The following HIP1 variants were observed in gnomAD, a reference collection of about 807,000 sequenced individuals.
HIP1 encodes huntingtin interacting protein 1, also known as huntingtin-interacting protein 1.
Under a neutral mutation model 147.6 loss-of-function variants are expected in HIP1, and 65 were observed. The ratio of observed to expected loss-of-function variants is 0.44; its 90% CI spans 0.36 to 0.54. The LOEUF is 0.54. Ranked by LOEUF, HIP1 falls within the 20% of genes least tolerant of loss-of-function variation. HIP1 has a pLI of 0.00. For synonymous variants in HIP1, 479 were observed against 504.0 expected (o/e 0.95, Z 0.67); for missense variants, 1,061 against 1,299.6 (o/e 0.82, Z 2.82).
intron 1 of HIP1, among the ~76,000 whole-genome samples, chr7:75,737,186 A>G (rs1161603180): frequency 6.6e-6 from 1 of 152,116 alleles, no homozygotes; most frequent in Non-Finnish European, 1.5e-5. Context: ...TTGGCCTCCC[A>G]AAGTACGGGG....
At chr7:75,692,906 T>C (rs1356503517) in intron 1 of HIP1, among the ~76,000 whole-genome samples, 4 of 151,980 alleles carry the variant, frequency 2.6e-5, no homozygotes, top group African/African-American at 7.2e-5. Context: ...GTCTTATGCC[T>C]GTAATCCCAG....
chr7:75,697,349 T>C (rs995773761), intron 1 of HIP1, among the ~76,000 whole-genome samples: 4 of 151,960 alleles, frequency 2.6e-5, no homozygotes, highest in Non-Finnish European at 5.9e-5. Flanking sequence ...GAGGATCTCT[T>C]GAGGCCAGGA....
chr7:75,538,542 C>A (rs1794171948), intron 30 of HIP1, among the ~76,000 whole-genome samples: 1 of 144,824 alleles, frequency 6.9e-6, no homozygotes. Flanking sequence ...GACTCCATGC[C>A]ACTCCATTTC....
At chr7:75,723,734 T>A (rs1801566815) in intron 1 of HIP1, among the ~76,000 whole-genome samples, 1 of 152,164 alleles carries the variant, frequency 6.6e-6, no homozygotes, top group South Asian at 2.1e-4. Context: ...TAAGGATCTA[T>A]GTGATTAGAC....
intron 24 of HIP1, among the ~76,000 whole-genome samples, 187 bp downstream of exon 24, chr7:75,547,568 C>G (rs902929909): frequency 1.3e-5 from 2 of 151,976 alleles, no homozygotes; most frequent in Non-Finnish European, 2.9e-5. Flanking sequence ...GCGCGGGTTT[C>G]TTTTCTATAG....
intron 1 of HIP1, among the ~76,000 whole-genome samples, chr7:75,687,267 C>A (rs1800293648): frequency 6.6e-6 from 1 of 152,140 alleles, no homozygotes; most frequent in Non-Finnish European, 1.5e-5. Context: ...GAAGCAGGAG[C>A]CAATCCCTGT....
rs190266354 is a variant in HIP1 at position 75,636,576 on chromosome 7, A to G, written c.121-37329T>C. Among the ~76,000 whole-genome samples, 952 of 152,326 alleles carry G rather than the reference A, an allele frequency of 6.2e-3. 12 individuals carry two copies. The highest frequency in any genetic ancestry group is 0.022 in the African/African-American group (931 of 41,578). On this transcript the variant is annotated intron_variant, in intron 1 of 30. Coordinates refer to ENST00000336926, the MANE Select transcript of HIP1 (RefSeq NM_005338.7). Reference sequence around the variant, plus strand: ...ACAGAAAGTACTTTTGGCCTCTTGCAGGAATGAAAAGCAGACACCAATTCC... The same window carrying G: ...ACAGAAAGTACTTTTGGCCTCTTGCGGGAATGAAAAGCAGACACCAATTCC...
At chr7:75,648,410 A>C (rs1264621773) in intron 1 of HIP1, among the ~76,000 whole-genome samples, 1 of 152,062 alleles carries the variant, frequency 6.6e-6, no homozygotes, top group Non-Finnish European at 1.5e-5. Context: ...TCAAGCCTCA[A>C]AGCCCCTGTA....
At chr7:75,679,531 A>G (rs1799996140) in intron 1 of HIP1, among the ~76,000 whole-genome samples, 3 of 152,156 alleles carry the variant, frequency 2.0e-5, no homozygotes, top group Admixed American at 1.3e-4. Context: ...TGCAAAATCC[A>G]GAGATTTACT....
chr7:75,644,728 T>C (rs559567337), intron 1 of HIP1, among the ~76,000 whole-genome samples: 1 of 152,272 alleles, frequency 6.6e-6, no homozygotes, highest in East Asian at 1.9e-4. Flanking sequence ...TCACTGACCA[T>C]GCCCAGCTGA....
Position 75,559,890 on chromosome 7 carries a change from T to C in HIP1, c.1217A>G (p.Lys406Arg). 6.2e-7 allele frequency: 1 copy of C among 1,608,554 alleles called. No individual in the cohort carries two copies. The highest frequency in any genetic ancestry group is 8.5e-7 in the Non-Finnish European group (1 of 1,178,578). Residue 406 changes from lysine (K) to arginine (R), a missense_variant, in exon 14 of 31, where the codon AAG becomes AGG. Physicochemically the swap from Lys to Arg is conservative, Grantham distance 26. Coordinates refer to ENST00000336926, the MANE Select transcript of HIP1 (RefSeq NM_005338.7). ...TGCTTCCAGCTCGCTGACGTGGCCC[T>C]TCAGCTGCAGCACAACCCGCTGGCT... ...TESQRVVLQL[K>R]GHVSELEADL...
chr7:75,710,541 C>T (rs1476535177), intron 1 of HIP1, among the ~76,000 whole-genome samples: 1 of 152,090 alleles, frequency 6.6e-6, no homozygotes, highest in Non-Finnish European at 1.5e-5. Flanking sequence ...AAGGAGTGTT[C>T]CCTTCTCTTC....
rs1382945980 is a variant in HIP1, at chr7:75,706,493, TA to T, written c.120+32307del. Among the ~76,000 whole-genome samples the T allele has an allele frequency of 2.1e-3, 304 of 145,418 alleles. 7 individuals are homozygous for T. The highest frequency in any genetic ancestry group is 7.1e-3 in the African/African-American group (266 of 37,576). On this transcript the variant is annotated intron_variant, in intron 1 of 30. Transcript: ENST00000336926. ...ATCTTCTTTTTTTTTATTTTTTTTT[TA>T]TTTTTTTATTTTTTATTTATTTATT...
At chr7:75,729,054 C>A (rs1416863282) in intron 1 of HIP1, among the ~76,000 whole-genome samples, 2 of 148,192 alleles carry the variant, frequency 1.3e-5, no homozygotes, top group Admixed American at 6.9e-5. Context: ...AACAAGCCTG[C>A]GCATGTACCA....
At chr7:75,586,486 G>A (rs1229270710) in intron 5 of HIP1, among the ~76,000 whole-genome samples, 1 of 152,166 alleles carries the variant, frequency 6.6e-6, no homozygotes, top group Non-Finnish European at 1.5e-5. Context: ...ATAGGTGTGA[G>A]CCACCGTGCC....
In HIP1 at chr7:75,618,277, G is replaced by A. The variant is rs143027283; in HGVS notation, c.121-19030C>T. Among the ~76,000 whole-genome samples the A allele has an allele frequency of 1.5e-3, 230 of 152,054 alleles. 1 individual carries two copies. The highest frequency in any genetic ancestry group is 4.2e-3 in the South Asian group (20 of 4,814). On this transcript the variant is annotated intron_variant, in intron 1 of 30. Coordinates refer to ENST00000336926, the MANE Select transcript of HIP1 (RefSeq NM_005338.7). ...AGCGATTCTCACACCTTAGCCTCCCGAGTGGCTGGGATTACAGGCACGTGC... is the reference window on the plus strand; with the variant it reads ...AGCGATTCTCACACCTTAGCCTCCCAAGTGGCTGGGATTACAGGCACGTGC...
intron 1 of HIP1, among the ~76,000 whole-genome samples, chr7:75,687,728 A>C (rs10261109): frequency 0.039 from 5,935 of 152,208 alleles, 154 homozygotes; most frequent in East Asian, 0.13. Flanking sequence ...CAAAAAACTC[A>C]TCTGGCTCTT....
chr7:75,640,334 T>G (rs539421665), intron 1 of HIP1, among the ~76,000 whole-genome samples: 2 of 152,300 alleles, frequency 1.3e-5, no homozygotes, highest in South Asian at 4.1e-4. Flanking sequence ...CGGCAGGGAC[T>G]GGGGAGCAGG....
rs1430407562 is a variant in HIP1, at chr7:75,568,567, A to G, written c.746-311T>C. Among the ~76,000 whole-genome samples, 1 of 152,222 alleles carries G rather than the reference A, an allele frequency of 6.6e-6. No individual in the cohort carries two copies. Among genetic ancestry groups the G allele is most frequent in the Non-Finnish European group, 1.5e-5 (1 of 68,028 alleles). ...AGAAGAAATGGTGACCTGACCCAGT[A>G]GCAGGCTGGACCATGGCAGGCCCAG... On this transcript the variant is annotated intron_variant, in intron 8 of 30. Coordinates refer to ENST00000336926, the MANE Select transcript of HIP1 (RefSeq NM_005338.7). This position sits in a 1 kb window ranked among gnomAD's most constrained non-coding sequence, Gnocchi z 4.1.
Sources: allele counts gnomAD v4.1 joint callset (sites outside exome capture counted in the v4.1 genomes callset), GRCh38; gene constraint gnomAD v4.1.1; non-coding constraint Gnocchi (gnomAD v3.1); transcripts MANE v1.5; gene names NCBI Gene and HGNC (gene_info 2026-07-23, HGNC 2026-07-21).